Variants in PCP4 observed in about 807,000 individuals in gnomAD.
The protein encoded by PCP4 is calmodulin regulator protein PCP4.
Under a neutral mutation model 10.0 loss-of-function variants are expected in PCP4, and 8 were observed. The ratio of observed to expected loss-of-function variants is 0.80; its 90% CI spans 0.47 to 1.45. The LOEUF is 1.45. Among genes scored for constraint, PCP4 ranks in the 40% most tolerant of loss-of-function variants. The probability of loss-of-function intolerance (pLI) is 0.00; values close to 1 mark genes in which losing one functional copy is unlikely to be tolerated. For synonymous variants in PCP4, 21 were observed against 23.0 expected, an observed-to-expected ratio of 0.91 and a Z score of 0.24; for missense variants, 54 against 74.4, an observed-to-expected ratio of 0.73 and a Z score of 1.01.
At chr21:39,890,451 G>T (rs1298517307) in intron 1 of PCP4, among the ~76,000 whole-genome samples, 1 of 152,030 alleles carries the variant, frequency 6.6e-6, no homozygotes, top group Non-Finnish European at 1.5e-5. Flanking sequence ...TGCCTCCCAG[G>T]TTCAAGCGAT....
At chr21:39,907,679 C>T (rs1302126345) in intron 2 of PCP4, among the ~76,000 whole-genome samples, 1 of 152,042 alleles carries the variant, frequency 6.6e-6, no homozygotes, top group African/African-American at 2.4e-5. Flanking sequence ...CACCTGTAAT[C>T]CCAGTTACTT....
At chr21:39,923,771 G>A (rs376707965) in intron 2 of PCP4, among the ~76,000 whole-genome samples, 1 of 152,186 alleles carries the variant, frequency 6.6e-6, no homozygotes, top group Non-Finnish European at 1.5e-5. Context: ...AATGGCATTC[G>A]TTTCGTCCAT....
At chr21:39,894,844 T>C (rs779803146) in intron 1 of PCP4, among the ~76,000 whole-genome samples, 2 of 152,182 alleles carry the variant, frequency 1.3e-5, no homozygotes, top group Non-Finnish European at 2.9e-5. Context: ...AGAGATCACA[T>C]CTTCTCCTAT....
chr21:39,882,442 C>G (rs1027889460), intron 1 of PCP4, among the ~76,000 whole-genome samples: 1 of 152,072 alleles, frequency 6.6e-6, no homozygotes, highest in Non-Finnish European at 1.5e-5. Context: ...GGCATTTTAC[C>G]AGCTGTACTG....
At chr21:39,898,304 CT>C in intron 1 of PCP4, 171 bp from the exon 2 acceptor site, 1 of 716,598 alleles carries the variant, frequency 1.4e-6, no homozygotes, top group Non-Finnish European at 2.5e-6. Context: ...TCAGTACATC[CT>C]TTCTTGGTGG....
At chr21:39,923,132 G>C (rs1286982867) in intron 2 of PCP4, among the ~76,000 whole-genome samples, 1 of 152,210 alleles carries the variant, frequency 6.6e-6, no homozygotes, top group African/African-American at 2.4e-5. Flanking sequence ...TGACAACTGT[G>C]AAGCCCTGGA....
intron 1 of PCP4, among the ~76,000 whole-genome samples, chr21:39,894,663 G>C (rs2087448478): frequency 6.6e-6 from 1 of 152,158 alleles, no homozygotes; most frequent in Non-Finnish European, 1.5e-5. Context: ...TCTCATATCA[G>C]GGTTTGCTCT....
Position 39,910,800 on chromosome 21 carries a change from C to T in PCP4, c.61+12273C>T, listed in dbSNP as rs1390540646. 2.0e-5 allele frequency among the ~76,000 whole-genome samples: 3 copies of T among 152,226 alleles called. No individual in the cohort carries two copies. The East Asian group carries it at 5.8e-4, about 29-fold the overall frequency. ...TTTAGCCATTTCCCCGGTTGCAGGG[C>T]CCCTGAGCTGCTTGGCCTGAAGGCC... On this transcript the variant is annotated intron_variant, in intron 2 of 2. Transcript: ENST00000328619.
intron 2 of PCP4, among the ~76,000 whole-genome samples, chr21:39,916,798 G>T (rs987363862): frequency 1.3e-5 from 2 of 152,216 alleles, no homozygotes. Context: ...CCTTTGCAGG[G>T]ACGTGGATGG....
chr21:39,888,320 A>G (rs745874799), intron 1 of PCP4, among the ~76,000 whole-genome samples: 38 of 152,208 alleles, frequency 2.5e-4, no homozygotes, highest in Admixed American at 5.2e-4. Flanking sequence ...GGGGGGCAAA[A>G]TTTTAAAGAG....
At chr21:39,919,847 TGTG>T (rs968684895) in intron 2 of PCP4, among the ~76,000 whole-genome samples, 2 of 151,360 alleles carry the variant, frequency 1.3e-5, no homozygotes, top group South Asian at 2.1e-4. Context: ...GTGTGTGTAG[TGTG>T]GTGTGTTTGT....
chr21:39,923,636 C>T (rs927231598), intron 2 of PCP4, among the ~76,000 whole-genome samples: 15 of 152,296 alleles, frequency 9.8e-5, no homozygotes, highest in African/African-American at 3.4e-4. Flanking sequence ...CCAGTACACG[C>T]GGCAGAATCC....
At chr21:39,917,523 C>T (rs925444203) in intron 2 of PCP4, among the ~76,000 whole-genome samples, 14 of 152,154 alleles carry the variant, frequency 9.2e-5, no homozygotes, top group South Asian at 2.1e-4. Context: ...TGCCGGCTGC[C>T]GTCTTGGGCA....
chr21:39,890,348 T>A (rs1159054743), intron 1 of PCP4, among the ~76,000 whole-genome samples: 1 of 152,098 alleles, frequency 6.6e-6, no homozygotes, highest in African/African-American at 2.4e-5. Flanking sequence ...ATTTTAATAT[T>A]TCGTTATCTA....
At chr21:39,874,735 C>G (rs6517574) in intron 1 of PCP4, among the ~76,000 whole-genome samples, 95,679 of 149,948 alleles carry the variant, frequency 0.64, 32,716 homozygotes, top group African/African-American at 0.9. Context: ...TAAAAAAAAA[C>G]CTAGTTAAAA....
intron 1 of PCP4, among the ~76,000 whole-genome samples, chr21:39,870,560 A>T (rs960872575): frequency 1.3e-5 from 2 of 152,200 alleles, no homozygotes; most frequent in Non-Finnish European, 1.5e-5. Context: ...GAGCTTTTGA[A>T]AAAAGAGTTC....
intron 1 of PCP4, 126 bp downstream of exon 1, chr21:39,867,636 G>T (rs1391617220): frequency 2.1e-6 from 2 of 965,394 alleles, no homozygotes; most frequent in East Asian, 4.8e-5. Context: ...GTAATTATTT[G>T]CTTGGAGAAC....
At chr21:39,927,314 CT>C (rs1340564952) in intron 2 of PCP4, among the ~76,000 whole-genome samples, 1,201 of 117,982 alleles carry the variant, frequency 0.01, 16 homozygotes, top group African/African-American at 0.032. Context: ...ATCTATCTAT[CT>C]ATCTATCATC....
intron 2 of PCP4, among the ~76,000 whole-genome samples, chr21:39,904,159 T>G (rs1029845873): frequency 6.6e-6 from 1 of 152,152 alleles, no homozygotes; most frequent in South Asian, 2.1e-4. Context: ...CATGCTACCA[T>G]TAAATGGACT....
Sources: allele counts gnomAD v4.1 joint callset (sites outside exome capture counted in the v4.1 genomes callset), GRCh38; gene constraint gnomAD v4.1.1; transcripts MANE v1.5; gene names NCBI Gene and HGNC (gene_info 2026-07-23, HGNC 2026-07-21).